TMEM135: variants seen among roughly 807,000 people sequenced by gnomAD.
The protein encoded by TMEM135 is peroxisomal membrane protein 52.
Under a neutral mutation model 60.3 loss-of-function variants are expected in TMEM135, and 30 were observed. The observed-to-expected ratio is 0.50, with a 90% CI of 0.37 to 0.68. TMEM135 has a LOEUF of 0.68. TMEM135 is among the 30% of genes least tolerant of loss of function. The pLI, the probability that TMEM135 is intolerant of heterozygous loss-of-function variation, is 0.00. For synonymous variants in TMEM135, 190 were observed against 186.7 expected (o/e 1.02, Z -0.14); for missense variants, 468 against 548.8 (o/e 0.85, Z 1.47).
chr11:87,324,570 C>T lies in TMEM135; in HGVS notation c.*3237C>T, dbSNP rs760628613. The T allele has an allele frequency of 2.2e-6, 1 of 449,666 alleles. No homozygotes were observed. Among genetic ancestry groups the T allele is most frequent in the South Asian group, 1.6e-5 (1 of 62,772 alleles). 27.9% of individuals were successfully genotyped at this position (449,666 alleles called of 1,614,324 possible). ...TAATAGCTGGGACAACAGGCATGTG[C>T]CACCATGCCTGGCTAATATTTATTT... On this transcript the variant is annotated 3_prime_UTR_variant, in exon 15 of 15. Transcript: ENST00000305494.
At chr11:87,041,377 G>T (rs1295393351) in intron 1 of TMEM135, among the ~76,000 whole-genome samples, 3 of 151,918 alleles carry the variant, frequency 2.0e-5, no homozygotes, top group African/African-American at 7.3e-5. Context: ...GAACAAAGGG[G>T]TTACAAGTAC....
chr11:87,223,665 ACG>A (rs1555120107), intron 5 of TMEM135, among the ~76,000 whole-genome samples: 2,302 of 110,924 alleles, frequency 0.021, 22 homozygotes, highest in Middle Eastern at 0.055. Flanking sequence ...ACGCACATGC[ACG>A]CACACACACA....
At chr11:87,110,006 C>T (rs531644071) in intron 4 of TMEM135, among the ~76,000 whole-genome samples, 2 of 152,132 alleles carry the variant, frequency 1.3e-5, no homozygotes, top group Non-Finnish European at 2.9e-5. Flanking sequence ...CTGGGTTCTT[C>T]CTTCTCTACT....
At chr11:87,114,901 A>G (rs918215595) in intron 4 of TMEM135, among the ~76,000 whole-genome samples, 3 of 152,222 alleles carry the variant, frequency 2.0e-5, no homozygotes, top group Non-Finnish European at 4.4e-5. Flanking sequence ...GCTTTGACAG[A>G]CAAGTTAGTC....
chr11:87,111,333 T>C (rs1311046767), intron 4 of TMEM135, among the ~76,000 whole-genome samples: 1 of 152,070 alleles, frequency 6.6e-6, no homozygotes, highest in East Asian at 1.9e-4. Context: ...ATGTCTGAGA[T>C]TTTGTCTTCT....
chr11:87,258,838 G>A, intron 6 of TMEM135: 2 of 721,850 alleles, frequency 2.8e-6, no homozygotes, highest in Non-Finnish European at 5.0e-6. Flanking sequence ...CTCATATACG[G>A]CAGTAACAAT....
intron 5 of TMEM135, among the ~76,000 whole-genome samples, chr11:87,175,938 A>C (rs1939355771): frequency 6.6e-6 from 1 of 152,232 alleles, no homozygotes; most frequent in African/African-American, 2.4e-5. Context: ...GCGGCAAGTA[A>C]CTTAAACACT....
At chr11:87,167,747 A>G (rs1412711102) in intron 5 of TMEM135, among the ~76,000 whole-genome samples, 1 of 152,176 alleles carries the variant, frequency 6.6e-6, no homozygotes, top group Non-Finnish European at 1.5e-5. Context: ...GATGTTCATC[A>G]GGGATATTGG....
intron 4 of TMEM135, among the ~76,000 whole-genome samples, chr11:87,132,033 G>A (rs1254051053): frequency 6.6e-6 from 1 of 151,954 alleles, no homozygotes; most frequent in East Asian, 1.9e-4. Flanking sequence ...CCCTAGATGG[G>A]ACCATCTAGT....
intron 6 of TMEM135, among the ~76,000 whole-genome samples, chr11:87,294,904 T>C (rs1267484815): frequency 6.6e-6 from 1 of 152,184 alleles, no homozygotes; most frequent in Non-Finnish European, 1.5e-5. Context: ...AATCTTTTTT[T>C]CTTAACTACC....
intron 3 of TMEM135, among the ~76,000 whole-genome samples, chr11:87,081,859 A>G (rs925811697): frequency 2.0e-5 from 3 of 152,190 alleles, no homozygotes; most frequent in Non-Finnish European, 2.9e-5. Flanking sequence ...TAAGAAATTT[A>G]AGTCTAGCTT....
At chr11:87,274,569 C>G (rs574823587) in intron 6 of TMEM135, among the ~76,000 whole-genome samples, 8 of 152,098 alleles carry the variant, frequency 5.3e-5, no homozygotes, top group Non-Finnish European at 7.3e-5. Context: ...TGTACTGACT[C>G]AAGGATACAA....
chr11:87,249,761 A>G (rs918959196), intron 6 of TMEM135, among the ~76,000 whole-genome samples: 1 of 152,126 alleles, frequency 6.6e-6, no homozygotes, highest in Non-Finnish European at 1.5e-5. Flanking sequence ...CATCAGATAT[A>G]TTGACCTGTA....
chr11:87,324,879 G>A lies in TMEM135; in HGVS notation c.*3546G>A, dbSNP rs769249720. 2.2e-6 allele frequency: 1 copy of A among 453,850 alleles called. No individual in the cohort carries two copies. The highest frequency in any genetic ancestry group is 1.6e-5 in the South Asian group (1 of 64,460). The allele number at this position is 453,850 out of a possible 1,614,324, so 28.1% of individuals were successfully genotyped here. On this transcript the variant is annotated 3_prime_UTR_variant, in exon 15 of 15. Transcript: ENST00000305494. ...TCCTTCTAGTAATCATTTTCACATA[G>A]TAGAATACTTCACTCAGCTGAAAAT...
chr11:87,142,472 T>C (rs911229596), intron 4 of TMEM135, among the ~76,000 whole-genome samples: 44 of 152,186 alleles, frequency 2.9e-4, no homozygotes, highest in Non-Finnish European at 5.3e-4. Context: ...TCAAAAATAG[T>C]TATTTTTGGA....
intron 5 of TMEM135, among the ~76,000 whole-genome samples, chr11:87,184,101 G>C (rs1039217221): frequency 1.3e-5 from 2 of 151,552 alleles, no homozygotes; most frequent in Admixed American, 6.6e-5. Context: ...ACTTCATAAA[G>C]TACTTAGTGT....
At chr11:87,100,023 C>T (rs369470835) in intron 4 of TMEM135, among the ~76,000 whole-genome samples, 8 of 151,996 alleles carry the variant, frequency 5.3e-5, no homozygotes, top group East Asian at 1.9e-4. Context: ...GTGGCTGTAT[C>T]GTTTTGTTAG....
chr11:87,159,523 A>T (rs1938801960), intron 5 of TMEM135, among the ~76,000 whole-genome samples: 1 of 151,938 alleles, frequency 6.6e-6, no homozygotes, highest in Admixed American at 6.6e-5. Context: ...ATTAGTTTTA[A>T]TTTAATGATT....
intron 5 of TMEM135, among the ~76,000 whole-genome samples, chr11:87,166,075 A>C (rs4635105): frequency 0.37 from 55,625 of 150,802 alleles, 11,175 homozygotes; most frequent in East Asian, 0.67. Flanking sequence ...CAATAACAGG[A>C]TCTGAAATTG....
Sources: allele counts gnomAD v4.1 joint callset (sites outside exome capture counted in the v4.1 genomes callset), GRCh38; gene constraint gnomAD v4.1.1; transcripts MANE v1.5; gene names NCBI Gene and HGNC (gene_info 2026-07-23, HGNC 2026-07-21).